Variants in ESCO2 observed in about 807,000 individuals in gnomAD.
ESCO2 encodes the protein establishment of sister chromatid cohesion N-acetyltransferase 2.
ESCO2 carries 51 observed loss-of-function variants against 61.7 expected under a neutral mutation model. The ratio of observed to expected loss-of-function variants is 0.83; its 90% CI spans 0.66 to 1.04. ESCO2 has a LOEUF of 1.04. Among genes scored for constraint, ESCO2 ranks in the 50% least tolerant of loss-of-function variants. The pLI is 0.00. For synonymous variants in ESCO2, 230 were observed against 238.2 expected (o/e 0.97, Z 0.32); for missense variants, 692 against 686.2 (o/e 1.01, Z -0.09).
chr8:27,812,737 C>T (rs950749359), downstream of ESCO2: 3 of 152,048 alleles, frequency 2.0e-5, no homozygotes, highest in Non-Finnish European at 4.4e-5. Flanking sequence ...CATCACTGGT[C>T]ATCAAAGAAA....
chr8:27,793,633 C>T (rs779654752), intron 9 of ESCO2, among the ~76,000 whole-genome samples: 6 of 151,850 alleles, frequency 4.0e-5, no homozygotes, highest in South Asian at 4.2e-4. Context: ...ACTACAGCCG[C>T]GTGCCACCAT....
intron 4 of ESCO2, among the ~76,000 whole-genome samples, chr8:27,782,851 G>A (rs4470991): frequency 0.42 from 63,541 of 151,826 alleles, 13,641 homozygotes; most frequent in East Asian, 0.62. Flanking sequence ...AAGTTACTTA[G>A]GACAGCTTCT....
chr8:27,789,056 C>G, intron 7 of ESCO2, 78 bp downstream of exon 7: 1 of 1,572,108 alleles, frequency 6.4e-7, no homozygotes, highest in Non-Finnish European at 8.7e-7. Flanking sequence ...ACCTCTACCA[C>G]CCAGCCGGAA....
chr8:27,818,062 CT>C, the ESCO2 span, among the ~76,000 whole-genome samples: 1 of 152,160 alleles, frequency 6.6e-6, no homozygotes, highest in Non-Finnish European at 1.5e-5. Context: ...CTTTTTCACC[CT>C]CCCCATAATG....
chr8:27,798,869 A>AG (rs1166995538), intron 9 of ESCO2, among the ~76,000 whole-genome samples: 1 of 152,116 alleles, frequency 6.6e-6, no homozygotes, highest in African/African-American at 2.4e-5. Context: ...AGGATGGGAG[A>AG]GGGGGTAGTG....
intron 5 of ESCO2, among the ~76,000 whole-genome samples, chr8:27,786,000 TGTTAGA>T (rs1311576682): frequency 6.6e-6 from 1 of 152,088 alleles, no homozygotes; most frequent in African/African-American, 2.4e-5. Context: ...ACAAATATAG[TGTTAGA>T]GTTGCTAAAA....
chr8:27,784,312 C>T (rs1182182633), intron 5 of ESCO2, among the ~76,000 whole-genome samples: 1 of 151,930 alleles, frequency 6.6e-6, no homozygotes, highest in Non-Finnish European at 1.5e-5. Flanking sequence ...TATATAATAC[C>T]TTACCCATAA....
At chr8:27,819,561 AAT>A in the ESCO2 span, among the ~76,000 whole-genome samples, 1 of 152,102 alleles carries the variant, frequency 6.6e-6, no homozygotes, top group Non-Finnish European at 1.5e-5. Context: ...GATGTTAAGG[AAT>A]ATCACCTATT....
intron 9 of ESCO2, among the ~76,000 whole-genome samples, chr8:27,795,149 T>C (rs1277703323): frequency 6.6e-6 from 1 of 152,230 alleles, no homozygotes; most frequent in Non-Finnish European, 1.5e-5. Flanking sequence ...TTTCAAGCCA[T>C]GAACACTGGA....
At chr8:27,816,117 C>CT (rs1310982892), downstream of ESCO2, among the ~76,000 whole-genome samples, 2 of 151,996 alleles carry the variant, frequency 1.3e-5, no homozygotes, top group Non-Finnish European at 2.9e-5. Flanking sequence ...AACATCTAGA[C>CT]TAGGTTAAGG....
At chr8:27,798,320 C>T (rs949506907) in intron 9 of ESCO2, among the ~76,000 whole-genome samples, 1 of 152,054 alleles carries the variant, frequency 6.6e-6, no homozygotes. Context: ...ATTAGCTGGG[C>T]GTGGTGGTGC....
In ESCO2 at chr8:27,804,189, A is replaced by C; in HGVS notation, c.*751A>C. 4 of 985,404 alleles carry C rather than the reference A, an allele frequency of 4.1e-6. No homozygotes were observed. In the South Asian group the frequency reaches 1.4e-4, roughly 35 times the overall value. The allele number at this position is 985,404 out of a possible 1,614,324, so 61.0% of individuals were successfully genotyped here. On this transcript the variant is annotated 3_prime_UTR_variant, in exon 11 of 11. Transcript: ENST00000305188. ...TCTGTAGAGCAGAATTTGATAGCTTAGTGTTCAATCTTTTTGAAAATAAAT... is the reference window on the plus strand; with the variant it reads ...TCTGTAGAGCAGAATTTGATAGCTTCGTGTTCAATCTTTTTGAAAATAAAT...
downstream of ESCO2, chr8:27,811,368 A>C: frequency 1.7e-6 from 1 of 588,700 alleles, no homozygotes; most frequent in East Asian, 2.8e-5. Flanking sequence ...ATTCTCTTAC[A>C]AATTAGTAGG....
At chr8:27,806,481 A>G (rs923338378), downstream of ESCO2, among the ~76,000 whole-genome samples, 1 of 152,156 alleles carries the variant, frequency 6.6e-6, no homozygotes, top group African/African-American at 2.4e-5. Flanking sequence ...GCATTTCCAT[A>G]TACATTTTAG....
At chr8:27,781,941 A>T (rs965408013) in intron 4 of ESCO2, among the ~76,000 whole-genome samples, 2 of 152,180 alleles carry the variant, frequency 1.3e-5, no homozygotes, top group Non-Finnish European at 2.9e-5. Context: ...GGAATCTTCT[A>T]TTAATGTTTT....
At position 27,796,469 on chromosome 8, in the gene ESCO2, C is replaced by A. The variant is rs937067279; in HGVS notation, c.1498-3072C>A. ...TCTACTAACTTTGGGCTTTATTCTT[C>A]TTTTTCTAATTATTTGAGGTGTAAC... On this transcript the variant is annotated intron_variant, in intron 9 of 10. Transcript: ENST00000305188. Among the ~76,000 whole-genome samples, 3 of 152,182 alleles carry A rather than the reference C, an allele frequency of 2.0e-5. No individual in the cohort carries two copies. The East Asian group carries it at 5.8e-4, about 29-fold the overall frequency.
chr8:27,787,915 A>T lies in ESCO2; in HGVS notation c.1044A>T (p.Gly348=), dbSNP rs587783623. ...RSLGEEQFSV[G]SVNFMKQTNI... Reference sequence around the variant, plus strand: ...TAGGTGAAGAACAGTTTTCTGTGGGATCTGTCAACTTCATGAAACAGACCA... The same window carrying T: ...TAGGTGAAGAACAGTTTTCTGTGGGTTCTGTCAACTTCATGAAACAGACCA... The change falls in exon 6 of 11, where the codon GGA becomes GGT. Residue 348 remains glycine, a synonymous_variant. Transcript: ENST00000305188. 45 of 1,613,562 alleles carry T rather than the reference A, an allele frequency of 2.8e-5. No individual in the cohort carries two copies. The highest frequency in any genetic ancestry group is 3.8e-5 in the Non-Finnish European group (45 of 1,179,794).
intron 7 of ESCO2, among the ~76,000 whole-genome samples, chr8:27,791,300 A>G (rs1266396227): frequency 2.0e-5 from 3 of 151,954 alleles, no homozygotes; most frequent in Non-Finnish European, 2.9e-5. Flanking sequence ...ATTTTTTCCA[A>G]TCAGTCAGTT....
At chr8:27,811,316 T>G (rs144506074), downstream of ESCO2, 18 of 615,024 alleles carry the variant, frequency 2.9e-5, no homozygotes, top group South Asian at 2.2e-4. Context: ...TTGGTAAATA[T>G]TCAAGAAGCT....
Sources: allele counts gnomAD v4.1 joint callset (sites outside exome capture counted in the v4.1 genomes callset), GRCh38; gene constraint gnomAD v4.1.1; transcripts MANE v1.5; gene names NCBI Gene and HGNC (gene_info 2026-07-23, HGNC 2026-07-21).